ARHGAP28: variants seen among roughly 807,000 people sequenced by gnomAD.
ARHGAP28 encodes rho GTPase-activating protein 28.
A neutral mutation model predicts 90.7 loss-of-function variants in ARHGAP28; 56 were observed. The ratio of observed to expected loss-of-function variants is 0.62; its 90% CI spans 0.50 to 0.77. ARHGAP28 has a LOEUF of 0.77. Among genes scored for constraint, ARHGAP28 ranks in the 30% least tolerant of loss-of-function variants. The probability of loss-of-function intolerance (pLI) is 0.00; values close to 1 mark genes in which losing one functional copy is unlikely to be tolerated. For synonymous variants in ARHGAP28, 308 were observed against 323.3 expected (o/e 0.95, Z 0.51); for missense variants, 869 against 900.9 (o/e 0.96, Z 0.45).
intron 1 of ARHGAP28, among the ~76,000 whole-genome samples, chr18:6,800,559 G>A (rs2056474533): frequency 6.6e-6 from 1 of 152,134 alleles, no homozygotes; most frequent in Admixed American, 6.5e-5. Flanking sequence ...GTCCTTTGCA[G>A]GGACATGGAT....
intron 6 of ARHGAP28, among the ~76,000 whole-genome samples, chr18:6,869,513 A>G (rs1241989): frequency 0.86 from 130,132 of 151,804 alleles, 56,173 homozygotes; most frequent in Non-Finnish European, 0.92. Flanking sequence ...TGCCCACCTC[A>G]GCCTCCCAAA....
intron 11 of ARHGAP28, among the ~76,000 whole-genome samples, chr18:6,886,876 G>A (rs1567982918): frequency 6.6e-6 from 1 of 152,124 alleles, no homozygotes; most frequent in Non-Finnish European, 1.5e-5. Flanking sequence ...GGGAAGGTCT[G>A]CGAAAGTACT....
At chr18:6,733,726 T>G (rs2143117070) in intron 1 of ARHGAP28, among the ~76,000 whole-genome samples, 1 of 152,284 alleles carries the variant, frequency 6.6e-6, no homozygotes, top group African/African-American at 2.4e-5. Flanking sequence ...ATACAAACTT[T>G]TAAGTAGTTT....
At chr18:6,857,102 T>A (rs1442980094) in intron 4 of ARHGAP28, among the ~76,000 whole-genome samples, 1 of 152,162 alleles carries the variant, frequency 6.6e-6, no homozygotes, top group Non-Finnish European at 1.5e-5. Context: ...GTCATTTCCC[T>A]TAGGTAAAGA....
chr18:6,857,275 T>C (rs2056961156), intron 4 of ARHGAP28, among the ~76,000 whole-genome samples: 1 of 152,216 alleles, frequency 6.6e-6, no homozygotes, highest in Non-Finnish European at 1.5e-5. Context: ...CATTTTCTGT[T>C]GCATATCCTG....
intron 1 of ARHGAP28, among the ~76,000 whole-genome samples, chr18:6,794,483 A>G (rs1163238903): frequency 1.3e-5 from 2 of 152,190 alleles, no homozygotes; most frequent in South Asian, 2.1e-4. Context: ...GCAGGTAACA[A>G]TGCGCATTAC....
At chr18:6,905,525 A>T (rs2057360652) in intron 16 of ARHGAP28, among the ~76,000 whole-genome samples, 1 of 152,212 alleles carries the variant, frequency 6.6e-6, no homozygotes, top group Non-Finnish European at 1.5e-5. Context: ...ATCTCATTCA[A>T]CATACTACTG....
intron 6 of ARHGAP28, among the ~76,000 whole-genome samples, chr18:6,868,746 A>G (rs2057058048): frequency 6.6e-6 from 1 of 151,954 alleles, no homozygotes; most frequent in African/African-American, 2.4e-5. Flanking sequence ...TATTTTTGTG[A>G]TTTCTCAGTT....
intron 1 of ARHGAP28, among the ~76,000 whole-genome samples, chr18:6,744,088 G>A (rs189657973): frequency 3.9e-5 from 6 of 152,268 alleles, no homozygotes; most frequent in East Asian, 1.9e-4. Flanking sequence ...TGTAACTAAC[G>A]TTTAGGGCTC....
At chr18:6,865,626 T>C (rs1348404158) in intron 5 of ARHGAP28, among the ~76,000 whole-genome samples, 1 of 152,162 alleles carries the variant, frequency 6.6e-6, no homozygotes, top group Non-Finnish European at 1.5e-5. Context: ...GTCAGTGAAA[T>C]TTTAAGTAGT....
chr18:6,897,174 A>T (rs2057310893), intron 16 of ARHGAP28: 1 of 152,334 alleles, frequency 6.6e-6, no homozygotes, highest in African/African-American at 2.4e-5. Context: ...TTGGCCTCCC[A>T]AAGTGCTGGG....
intron 3 of ARHGAP28, among the ~76,000 whole-genome samples, chr18:6,841,180 C>CCTCTCTCTCTCTCTCTCTCTCTCTCT (rs143797436): frequency 1.8e-5 from 1 of 57,064 alleles, no homozygotes; most frequent in Non-Finnish European, 3.2e-5. Flanking sequence ...CTCTCTCTCT[C>CCTCTCTCTCTCTCTCTCTCTCTCTCT]CTCTCTCTCT....
chr18:6,826,942 A>AATCCATTTGCACCG (rs1567960624), intron 2 of ARHGAP28, among the ~76,000 whole-genome samples: 1 of 151,704 alleles, frequency 6.6e-6, no homozygotes, highest in East Asian at 1.9e-4. Flanking sequence ...ATCTTGCACC[A>AATCCATTTGCACCG]CCCTTAATCC....
chr18:6,839,455 G>T (rs758796463), intron 3 of ARHGAP28, among the ~76,000 whole-genome samples: 3 of 152,030 alleles, frequency 2.0e-5, no homozygotes, highest in African/African-American at 4.8e-5. Context: ...CACCACGCCT[G>T]GCTAATTTTG....
rs140421985 is a variant in ARHGAP28, at chr18:6,888,643, C to CA, written c.1537-1236dup. Among the ~76,000 whole-genome samples the CA allele has an allele frequency of 8.5e-3, 1,282 of 151,396 alleles. 17 individuals carry two copies. The highest frequency in any genetic ancestry group is 0.029 in the African/African-American group (1,217 of 41,304). On this transcript the variant is annotated intron_variant, in intron 12 of 17. Transcript: ENST00000383472. The stretch of plus-strand genomic sequence containing the variant: ...CTTTGTCTACAGAGTGTTCTTTTAT[C>CA]AAAAAAAAATTCATCTGTTATCAAA...
At chr18:6,820,569 A>G (rs2056620077) in intron 1 of ARHGAP28, among the ~76,000 whole-genome samples, 1 of 152,132 alleles carries the variant, frequency 6.6e-6, no homozygotes, top group African/African-American at 2.4e-5. Context: ...AGCTCAGTAA[A>G]CCTCAATCAG....
At chr18:6,804,755 G>A (rs1444347326) in intron 1 of ARHGAP28, among the ~76,000 whole-genome samples, 1 of 152,100 alleles carries the variant, frequency 6.6e-6, no homozygotes, top group East Asian at 1.9e-4. Context: ...TAATTTGATT[G>A]TAGTCAAAGA....
chr18:6,748,723 G>A lies in ARHGAP28; in HGVS notation c.122+18780G>A, dbSNP rs544117804. Among the ~76,000 whole-genome samples, 66 of 152,332 alleles carry A rather than the reference G, an allele frequency of 4.3e-4. 1 individual carries two copies. Among genetic ancestry groups the A allele is most frequent in the Middle Eastern group, 3.4e-3 (1 of 294 alleles). On this transcript the variant is annotated intron_variant, in intron 1 of 17. Transcript: ENST00000383472. ...GTCATTTCTCAAGGAAGACAGAGAG[G>A]AAACCAAAGTCTTTCAGTATTTCCC... is the stretch of plus-strand genomic sequence containing the variant.
intron 17 of ARHGAP28, among the ~76,000 whole-genome samples, chr18:6,911,341 T>C (rs983818136): frequency 2.0e-5 from 3 of 152,172 alleles, no homozygotes; most frequent in Non-Finnish European, 4.4e-5. Flanking sequence ...TCTGGTCAAG[T>C]ACCTATCTAT....
Sources: gnomAD v4.1 joint callset for allele counts (sites outside exome capture counted in the v4.1 genomes callset) on GRCh38, gnomAD v4.1.1 for gene constraint, MANE v1.5 for transcripts, NCBI Gene and HGNC (gene_info 2026-07-23, HGNC 2026-07-21) for gene names.